PTPRN2: variants seen among roughly 807,000 people sequenced by gnomAD.
PTPRN2 encodes the protein protein tyrosine phosphatase receptor type N2.
PTPRN2 carries 74 observed loss-of-function variants against 118.8 expected under a neutral mutation model. The ratio of observed to expected loss-of-function variants is 0.62; its 90% CI spans 0.52 to 0.76. The LOEUF is 0.76. Among genes scored for constraint, PTPRN2 ranks in the 30% least tolerant of loss-of-function variants. PTPRN2 has a pLI of 0.00. For synonymous variants in PTPRN2, 641 were observed against 608.0 expected (o/e 1.05, Z -0.80); for missense variants, 1,481 against 1,394.4 (o/e 1.06, Z -0.99).
chr7:158,334,638 C>G (rs1805228325), intron 2 of PTPRN2, among the ~76,000 whole-genome samples: 1 of 100,164 alleles, frequency 1.0e-5, no homozygotes. Context: ...CACTCACACC[C>G]ACACTCTCAC....
rs574976892 is a variant in PTPRN2 at position 157,936,323 on chromosome 7, C to G, written c.1724-37586G>C. Among the ~76,000 whole-genome samples the G allele has an allele frequency of 7.5e-4, 114 of 152,310 alleles. 1 individual carries two copies. Among genetic ancestry groups the G allele is most frequent in the Non-Finnish European group, 1.3e-3 (91 of 68,028 alleles). ...GTGACGAGATGCTATCGATTATGGGCTCTGTGCCCCTGTCACGTTCACACG... is the reference window on the plus strand; with the variant it reads ...GTGACGAGATGCTATCGATTATGGGGTCTGTGCCCCTGTCACGTTCACACG... On this transcript the variant is annotated intron_variant, in intron 11 of 22. Transcript: ENST00000389418.
At chr7:158,397,837 A>G (rs1812641257) in intron 2 of PTPRN2, among the ~76,000 whole-genome samples, 1 of 150,098 alleles carries the variant, frequency 6.7e-6, no homozygotes, top group South Asian at 2.2e-4. Context: ...GTGCAAAGCA[A>G]AACAAAACAA....
At position 158,205,340 on chromosome 7, in the gene PTPRN2, C is replaced by T; in HGVS notation, c.278-67G>A. 4 of 1,188,326 alleles carry T rather than the reference C, an allele frequency of 3.4e-6. No homozygotes were observed. The Admixed American group carries it at 7.3e-5, about 22-fold the overall frequency. The allele number at this position is 1,188,326 out of a possible 1,614,324, so 73.6% of individuals were successfully genotyped here. ...ATTTAGCCAAAGCTCTTGCTTCAGT[C>T]TCACAATTAGTTGCATTTCAGCATT... On this transcript the variant is annotated intron_variant, in intron 3 of 22. Coordinates refer to ENST00000389418, the MANE Select transcript of PTPRN2 (RefSeq NM_002847.5).
At chr7:157,759,285 G>C (rs557854785) in intron 12 of PTPRN2, among the ~76,000 whole-genome samples, 1 of 152,348 alleles carries the variant, frequency 6.6e-6, no homozygotes, top group South Asian at 2.1e-4. Flanking sequence ...TGTCCACCAT[G>C]CGCCAAGGGA....
At chr7:157,544,170 C>CGGAGAGAGGTGGAGAGAGAT (rs1563198867) in intron 22 of PTPRN2, among the ~76,000 whole-genome samples, 12 of 145,510 alleles carry the variant, frequency 8.2e-5, no homozygotes, top group African/African-American at 3.1e-4. Flanking sequence ...TGGAGAGAGA[C>CGGAGAGAGGTGGAGAGAGAT]GGAGAGAGGT....
intron 11 of PTPRN2, among the ~76,000 whole-genome samples, chr7:158,047,487 C>T: frequency 6.6e-6 from 1 of 151,814 alleles, no homozygotes; most frequent in Admixed American, 6.6e-5. Context: ...GCGTGTGAGG[C>T]CTGCCTGCAG....
In PTPRN2 at chr7:158,166,057, G is replaced by A. The variant is rs75183364; in HGVS notation, c.910+874C>T. Reference sequence around the variant, plus strand: ...AGCGACAAAGGACACTGGACTTAACGTGTTCAGAGTCAATTTTCCAAAACA... The same window carrying A: ...AGCGACAAAGGACACTGGACTTAACATGTTCAGAGTCAATTTTCCAAAACA... On this transcript the variant is annotated intron_variant, in intron 6 of 22. Transcript: ENST00000389418. Among the ~76,000 whole-genome samples, 493 of 152,230 alleles carry A rather than the reference G, an allele frequency of 3.2e-3. 2 individuals carry two copies. Among genetic ancestry groups the A allele is most frequent in the African/African-American group, 0.011 (451 of 41,508 alleles).
At chr7:157,700,934 A>C (rs940479938) in intron 12 of PTPRN2, among the ~76,000 whole-genome samples, 1 of 152,198 alleles carries the variant, frequency 6.6e-6, no homozygotes, top group Non-Finnish European at 1.5e-5. Context: ...CCTTCAGAAC[A>C]TGTGAGTGCT....
At chr7:157,885,763 T>C (rs193282222) in intron 12 of PTPRN2, among the ~76,000 whole-genome samples, 1 of 152,218 alleles carries the variant, frequency 6.6e-6, no homozygotes, top group Admixed American at 6.5e-5. Flanking sequence ...GAACTTAATT[T>C]GATGTGGGGC....
At chr7:158,249,627 T>A (rs1428559552) in intron 3 of PTPRN2, among the ~76,000 whole-genome samples, 1 of 152,202 alleles carries the variant, frequency 6.6e-6, no homozygotes, top group Non-Finnish European at 1.5e-5. Flanking sequence ...GATTGGCTGA[T>A]GAGTCTCCCA....
At chr7:157,836,539 A>C (rs1807941198) in intron 12 of PTPRN2, among the ~76,000 whole-genome samples, 1 of 152,128 alleles carries the variant, frequency 6.6e-6, no homozygotes. Context: ...CATAAAGACC[A>C]AAGTGTTCCT....
At chr7:158,440,699 A>AG (rs1816941524) in intron 2 of PTPRN2, among the ~76,000 whole-genome samples, 1 of 134,892 alleles carries the variant, frequency 7.4e-6, no homozygotes, top group Non-Finnish European at 1.6e-5. Flanking sequence ...TGATGGTGAT[A>AG]GGGGTGGATA....
At chr7:157,950,289 C>T (rs1203741799) in intron 11 of PTPRN2, among the ~76,000 whole-genome samples, 1 of 152,192 alleles carries the variant, frequency 6.6e-6, no homozygotes, top group Admixed American at 6.5e-5. Context: ...GAAATACAAA[C>T]CCGCAGGCGT....
At chr7:157,753,432 C>G (rs748958165) in intron 12 of PTPRN2, among the ~76,000 whole-genome samples, 1 of 152,148 alleles carries the variant, frequency 6.6e-6, no homozygotes. Flanking sequence ...AACACAGCCC[C>G]AGACACAAAG....
At chr7:157,791,160 G>C (rs1261494227) in intron 12 of PTPRN2, among the ~76,000 whole-genome samples, 4 of 152,198 alleles carry the variant, frequency 2.6e-5, no homozygotes, top group Non-Finnish European at 5.9e-5. Context: ...GCAAATAAAT[G>C]AGTGGCAAAC....
intron 2 of PTPRN2, among the ~76,000 whole-genome samples, chr7:158,376,071 C>G (rs1470354322): frequency 6.6e-6 from 1 of 152,194 alleles, no homozygotes; most frequent in Non-Finnish European, 1.5e-5. Flanking sequence ...AGCACTGTAG[C>G]ACACCCACCG....
intron 12 of PTPRN2, among the ~76,000 whole-genome samples, chr7:157,790,249 T>G: frequency 1.7e-5 from 2 of 116,058 alleles, no homozygotes; most frequent in African/African-American, 3.4e-5. Flanking sequence ...GTGTCTGTGG[T>G]GGGGGTGTGT....
At chr7:157,775,597 C>T (rs150909419) in intron 12 of PTPRN2, among the ~76,000 whole-genome samples, 52 of 152,352 alleles carry the variant, frequency 3.4e-4, no homozygotes, top group South Asian at 2.7e-3. Context: ...CGGGAGCCGG[C>T]GCTCACATGC....
At chr7:157,913,021 TTTGA>T (rs1234364498) in intron 11 of PTPRN2, among the ~76,000 whole-genome samples, 2 of 152,366 alleles carry the variant, frequency 1.3e-5, no homozygotes, top group East Asian at 1.9e-4. Flanking sequence ...AATCTAGAAG[TTTGA>T]TTGTTATTAA....
Sources: allele counts gnomAD v4.1 joint callset (sites outside exome capture counted in the v4.1 genomes callset), GRCh38; gene constraint gnomAD v4.1.1; transcripts MANE v1.5; gene names NCBI Gene and HGNC (gene_info 2026-07-23, HGNC 2026-07-21).